SNTG1: variants seen among roughly 807,000 people sequenced by gnomAD.
SNTG1 encodes gamma-1-syntrophin.
A neutral mutation model predicts 74.7 loss-of-function variants in SNTG1; 39 were observed. The ratio of observed to expected loss-of-function variants is 0.52; its 90% CI spans 0.40 to 0.68. The LOEUF (loss-of-function observed/expected upper bound fraction) is 0.68. Ranked by LOEUF, SNTG1 falls within the 30% of genes least tolerant of loss-of-function variation. The probability of loss-of-function intolerance (pLI) is 0.00; values close to 1 mark genes in which losing one functional copy is unlikely to be tolerated. For missense variants in SNTG1, 685 were observed against 609.5 expected, an observed-to-expected ratio of 1.12 and a Z score of -1.30; for synonymous variants, 254 against 217.1, an observed-to-expected ratio of 1.17 and a Z score of -1.49.
chr8:50,657,133 T>A, intron 14 of SNTG1, 108 bp downstream of exon 14: 2 of 523,518 alleles, frequency 3.8e-6, no homozygotes, highest in Non-Finnish European at 6.4e-6. Flanking sequence ...AAAAATAATA[T>A]AGAGAAAAAG....
intron 1 of SNTG1, among the ~76,000 whole-genome samples, chr8:50,152,058 G>A (rs889044663): frequency 6.6e-6 from 1 of 152,080 alleles, no homozygotes; most frequent in African/African-American, 2.4e-5. Flanking sequence ...TCTCTTTGTA[G>A]GTCTCTAAGG....
chr8:50,215,118 T>C (rs768841092), intron 2 of SNTG1, among the ~76,000 whole-genome samples: 11 of 152,074 alleles, frequency 7.2e-5, no homozygotes, highest in Admixed American at 1.3e-4. Context: ...TCCCGGAAGA[T>C]CATTCTCCTG....
chr8:50,330,585 C>A (rs1004816761), intron 2 of SNTG1, among the ~76,000 whole-genome samples: 8 of 152,138 alleles, frequency 5.3e-5, no homozygotes, highest in African/African-American at 1.9e-4. Flanking sequence ...ACAGCAGTAC[C>A]CCACTATCCC....
intron 1 of SNTG1, among the ~76,000 whole-genome samples, chr8:50,170,852 G>A (rs2082781035): frequency 6.6e-6 from 1 of 152,086 alleles, no homozygotes; most frequent in African/African-American, 2.4e-5. Context: ...GGTTCCTAAT[G>A]GGCACCTCCT....
At chr8:50,450,354 G>A (rs1303959683) in intron 6 of SNTG1, among the ~76,000 whole-genome samples, 1 of 152,124 alleles carries the variant, frequency 6.6e-6, no homozygotes, top group Non-Finnish European at 1.5e-5. Context: ...AAAGTAAATG[G>A]AAATATGTCT....
At chr8:50,124,741 A>G (rs1365358626) in intron 1 of SNTG1, among the ~76,000 whole-genome samples, 2 of 140,944 alleles carry the variant, frequency 1.4e-5, no homozygotes, top group Non-Finnish European at 3.2e-5. Flanking sequence ...TGCTTGTGCT[A>G]GGCAGTGAGG....
intron 2 of SNTG1, among the ~76,000 whole-genome samples, chr8:50,273,590 G>A (rs1250435836): frequency 2.0e-5 from 3 of 152,184 alleles, no homozygotes; most frequent in Non-Finnish European, 2.9e-5. Flanking sequence ...GTATTGGAAG[G>A]ATTGGAAGCA....
intron 1 of SNTG1, among the ~76,000 whole-genome samples, chr8:50,110,429 G>T (rs189835440): frequency 1.7e-3 from 254 of 152,248 alleles, no homozygotes; most frequent in African/African-American, 5.9e-3. Flanking sequence ...TTCCTGGAAG[G>T]CTCAGGCATC....
chr8:50,364,184 G>T (rs2092042784), intron 2 of SNTG1, among the ~76,000 whole-genome samples: 1 of 152,158 alleles, frequency 6.6e-6, no homozygotes, highest in African/African-American at 2.4e-5. Flanking sequence ...GGGGTTGAAA[G>T]TTCCAGTCCC....
intron 2 of SNTG1, among the ~76,000 whole-genome samples, chr8:50,342,530 T>C (rs570116984): frequency 2.6e-5 from 4 of 152,220 alleles, no homozygotes; most frequent in African/African-American, 4.8e-5. Context: ...AAGCAAGAAA[T>C]ATATTTAGAA....
chr8:50,424,939 C>G (rs371592699), intron 4 of SNTG1, among the ~76,000 whole-genome samples: 27 of 152,080 alleles, frequency 1.8e-4, no homozygotes, highest in African/African-American at 5.8e-4. Context: ...TACTGACTCA[C>G]TAGAAAATTA....
At chr8:50,639,212 T>C (rs1055606574) in intron 13 of SNTG1, among the ~76,000 whole-genome samples, 1 of 65,894 alleles carries the variant, frequency 1.5e-5, no homozygotes, top group African/African-American at 6.8e-5. Context: ...ACAGAAATGC[T>C]TTTCAGTTAA....
chr8:50,734,182 G>T (rs1003455568), intron 17 of SNTG1, among the ~76,000 whole-genome samples: 3 of 151,666 alleles, frequency 2.0e-5, no homozygotes, highest in Admixed American at 2.0e-4. Flanking sequence ...TGAAATGACT[G>T]GATATTGCTT....
At chr8:50,290,711 C>A (rs770149248) in intron 2 of SNTG1, among the ~76,000 whole-genome samples, 13 of 152,042 alleles carry the variant, frequency 8.6e-5, no homozygotes, top group Non-Finnish European at 1.9e-4. Flanking sequence ...TTAATAATAA[C>A]TGTACTCATT....
intron 13 of SNTG1, among the ~76,000 whole-genome samples, chr8:50,645,024 A>C (rs890630702): frequency 6.6e-6 from 1 of 151,550 alleles, no homozygotes; most frequent in African/African-American, 2.4e-5. Context: ...CCACAGTGCT[A>C]TAATTAAAGG....
chr8:50,012,768 G>A (rs1815932652), intron 1 of SNTG1, among the ~76,000 whole-genome samples: 1 of 152,106 alleles, frequency 6.6e-6, no homozygotes, highest in Non-Finnish European at 1.5e-5. Context: ...TGTCTGTGAA[G>A]GAATGGGTGA....
At chr8:50,444,875 T>A (rs73583421) in intron 5 of SNTG1, among the ~76,000 whole-genome samples, 1 of 152,162 alleles carries the variant, frequency 6.6e-6, no homozygotes, top group Non-Finnish European at 1.5e-5. Context: ...CATTACATTT[T>A]TTTTCATTAC....
chr8:50,707,761 T>C (rs2131546108), intron 16 of SNTG1: 1 of 278,794 alleles, frequency 3.6e-6, no homozygotes, highest in Middle Eastern at 1.1e-3. Context: ...TTTTTCATGA[T>C]TGGAATATCC....
At chr8:50,289,589 C>T (rs1474818993) in intron 2 of SNTG1, among the ~76,000 whole-genome samples, 1 of 152,182 alleles carries the variant, frequency 6.6e-6, no homozygotes, top group Non-Finnish European at 1.5e-5. Context: ...TTACAGAATC[C>T]TGAGCCGTTT....
Sources: gnomAD v4.1 joint callset for allele counts (sites outside exome capture counted in the v4.1 genomes callset) on GRCh38, gnomAD v4.1.1 for gene constraint, MANE v1.5 for transcripts, NCBI Gene and HGNC (gene_info 2026-07-23, HGNC 2026-07-21) for gene names.